The following RAI14 variants were observed in gnomAD, a reference collection of about 807,000 sequenced individuals.
RAI14 encodes the protein ankycorbin.
In RAI14, 45 loss-of-function variants were observed where a neutral mutation model predicts 115.4. That is an observed-to-expected ratio of 0.39 (90% confidence interval 0.31 to 0.50). RAI14 has a LOEUF of 0.50. Among genes scored for constraint, RAI14 ranks in the 20% least tolerant of loss-of-function variants. The probability of loss-of-function intolerance (pLI) is 0.85; values close to 1 mark genes in which losing one functional copy is unlikely to be tolerated. For synonymous variants in RAI14, 371 were observed against 415.4 expected (o/e 0.89, Z 1.30); for missense variants, 939 against 1,131.2 (o/e 0.83, Z 2.44).
chr5:34,673,770 C>T (rs166264), intron 1 of RAI14, among the ~76,000 whole-genome samples: 125,419 of 152,092 alleles, frequency 0.82, 51,798 homozygotes, highest in South Asian at 0.95. Context: ...CTGCCTCTGT[C>T]CCCTCTCTCA....
chr5:34,812,215 A>C lies in RAI14; in HGVS notation c.765+7A>C. 6.3e-7 allele frequency: 1 copy of C among 1,580,820 alleles called. No homozygotes were observed. On this transcript the variant is annotated splice_region_variant and intron_variant, in intron 10 of 17. Transcript: ENST00000265109. ...CCCAACAAAACCAAAGCAGGTATTT[A>C]TCTTTGGGGGAGGCTTCTATGTTTC...
At chr5:34,727,507 C>T (rs929964816) in intron 2 of RAI14, among the ~76,000 whole-genome samples, 3 of 152,154 alleles carry the variant, frequency 2.0e-5, no homozygotes, top group Non-Finnish European at 2.9e-5. Flanking sequence ...ACCTTTGTGG[C>T]GCTCCCTCCC....
chr5:34,779,566 T>C (rs1751342517), intron 3 of RAI14, among the ~76,000 whole-genome samples: 1 of 152,096 alleles, frequency 6.6e-6, no homozygotes, highest in Non-Finnish European at 1.5e-5. Context: ...ACAAGCATTC[T>C]TATATACCAA....
chr5:34,775,819 G>A (rs975958610), intron 3 of RAI14, among the ~76,000 whole-genome samples: 2 of 152,178 alleles, frequency 1.3e-5, no homozygotes, highest in African/African-American at 4.8e-5. Context: ...CACTGTTGGG[G>A]AGAATGTAAA....
intron 2 of RAI14, among the ~76,000 whole-genome samples, chr5:34,741,644 C>A (rs1745521788): frequency 1.3e-5 from 2 of 152,106 alleles, no homozygotes; most frequent in South Asian, 4.1e-4. Context: ...AGAGGGAGCG[C>A]TGGGCAAAGA....
At chr5:34,821,873 T>C (rs781723441) in intron 14 of RAI14, 23 bp downstream of exon 14, 4 of 1,307,478 alleles carry the variant, frequency 3.1e-6, no homozygotes, top group South Asian at 1.2e-5. Context: ...ATTGCTATCA[T>C]GGACTATTCT....
chr5:34,804,273 T>C (rs1038366331), intron 5 of RAI14, among the ~76,000 whole-genome samples: 2 of 152,224 alleles, frequency 1.3e-5, no homozygotes, highest in Non-Finnish European at 2.9e-5. Flanking sequence ...GGTTTTATTC[T>C]TCTTTATAAT....
At chr5:34,688,401 G>A in intron 2 of RAI14, 1 of 702,424 alleles carries the variant, frequency 1.4e-6, no homozygotes, top group South Asian at 2.1e-5. Context: ...CATCAGTCTA[G>A]ACTTCCATAT....
intron 1 of RAI14, among the ~76,000 whole-genome samples, chr5:34,672,377 A>G (rs1488682288): frequency 2.0e-5 from 3 of 152,088 alleles, no homozygotes; most frequent in African/African-American, 7.2e-5. Flanking sequence ...GTTTGTGGAT[A>G]TGTGTGGGGT....
At chr5:34,659,621 TTTC>T (rs1159422055) in intron 1 of RAI14, among the ~76,000 whole-genome samples, 1 of 152,224 alleles carries the variant, frequency 6.6e-6, no homozygotes, top group African/African-American at 2.4e-5. Context: ...TTTATTTTTA[TTTC>T]TTTTTACTAT....
At chr5:34,774,354 G>A (rs148860265) in intron 3 of RAI14, among the ~76,000 whole-genome samples, 221 of 152,188 alleles carry the variant, frequency 1.5e-3, no homozygotes, top group African/African-American at 5.1e-3. Context: ...CTTGGTGACA[G>A]AGTGAGACTC....
intron 1 of RAI14, among the ~76,000 whole-genome samples, chr5:34,663,586 C>A (rs886689810): frequency 1.5e-4 from 23 of 152,144 alleles, no homozygotes; most frequent in African/African-American, 5.3e-4. Flanking sequence ...CAAAGCAGTA[C>A]CTTCTTCTGT....
chr5:34,693,667 G>A (rs1738899689), intron 2 of RAI14, among the ~76,000 whole-genome samples: 1 of 152,236 alleles, frequency 6.6e-6, no homozygotes, highest in Non-Finnish European at 1.5e-5. Flanking sequence ...GTAAATAACA[G>A]AGAGATGGTA....
intron 3 of RAI14, among the ~76,000 whole-genome samples, chr5:34,790,701 A>G (rs1165031666): frequency 6.6e-6 from 1 of 151,034 alleles, no homozygotes; most frequent in Admixed American, 6.6e-5. Context: ...ATAGTAGAAT[A>G]TGGTACAAGG....
intron 2 of RAI14, among the ~76,000 whole-genome samples, chr5:34,700,059 C>A (rs1223368107): frequency 6.6e-6 from 1 of 151,976 alleles, no homozygotes; most frequent in Non-Finnish European, 1.5e-5. Context: ...CTGGGTGGGG[C>A]CTGGAGAAGA....
At position 34,753,255 on chromosome 5, in the gene RAI14, G is replaced by T. The variant is rs374975034; in HGVS notation, c.37-4213G>T. Among the ~76,000 whole-genome samples the T allele has an allele frequency of 4.6e-5, 7 of 152,130 alleles. No homozygotes were observed. The South Asian group carries it at 6.2e-4, about 14-fold the overall frequency. On this transcript the variant is annotated intron_variant, in intron 2 of 17. Transcript: ENST00000265109. ...CCTTCTTTGATTCTAGAGTATGAAT[G>T]AATTACTTTGGGATGTTATGATAAA... is the stretch of plus-strand genomic sequence containing the variant.
chr5:34,808,590 A>T lies in RAI14; in HGVS notation c.386A>T (p.Gln129Leu), dbSNP rs200207291. Reference protein sequence around the residue: ...GKTALHYAAAQGCLQAVQILC... With the variant: ...GKTALHYAAALGCLQAVQILC... ...TATATTTTCCTTCCCCCAGCGGCTC[A>T]GGGCTGCCTTCAAGCTGTGCAGATT... The change falls in exon 7 of 18, where the codon CAG becomes CTG. Residue 129 changes from glutamine to leucine, a missense_variant. Physicochemically the swap from Gln to Leu is moderately radical, Grantham distance 113 (BLOSUM62 -2). Transcript: ENST00000265109. The T allele has an allele frequency of 9.3e-5, 150 of 1,614,038 alleles. No homozygotes were observed. Among genetic ancestry groups the T allele is most frequent in the Non-Finnish European group, 1.2e-4 (144 of 1,180,012 alleles).
Position 34,823,404 on chromosome 5 carries a change from A to G in RAI14, c.1562A>G (p.His521Arg). 1 of 1,614,094 alleles carries G rather than the reference A, an allele frequency of 6.2e-7. No homozygotes were observed. The highest frequency in any genetic ancestry group is 8.5e-7 in the Non-Finnish European group (1 of 1,180,020). The change falls in exon 15 of 18, where the codon CAT becomes CGT. Residue 521 changes from histidine (H) to arginine (R), a missense_variant. By Grantham distance (29) the His-to-Arg change is conservative. Coordinates refer to ENST00000265109, the MANE Select transcript of RAI14 (RefSeq NM_015577.3). The surrounding 1 kb of genome is among the most constrained non-coding windows in gnomAD (Gnocchi z 4.5). ...CCTGAAAGCATGGATAATTATTCAC[A>G]TTTCCACGAGCTGAGGGTCACGGAA... ...VSPESMDNYSHFHELRVTEEE... is the reference protein window; with the variant it reads ...VSPESMDNYSRFHELRVTEEE...
intron 2 of RAI14, among the ~76,000 whole-genome samples, chr5:34,746,500 G>C (rs1209239927): frequency 1.3e-5 from 2 of 151,024 alleles, no homozygotes; most frequent in African/African-American, 2.4e-5. Context: ...TGTCTCCTGG[G>C]TTCAAGCAAT....
Sources: allele counts gnomAD v4.1 joint callset (sites outside exome capture counted in the v4.1 genomes callset), GRCh38; gene constraint gnomAD v4.1.1; non-coding constraint Gnocchi (gnomAD v3.1); transcripts MANE v1.5; gene names NCBI Gene and HGNC (gene_info 2026-07-23, HGNC 2026-07-21).